The following DPH6 variants were observed in gnomAD, a reference collection of about 807,000 sequenced individuals.
DPH6 encodes diphthamine biosynthesis 6.
In DPH6, 33 loss-of-function variants were observed where a neutral mutation model predicts 38.2. That is an observed-to-expected ratio of 0.86 (90% confidence interval 0.65 to 1.15). The LOEUF is 1.15. Ranked by LOEUF, DPH6 falls within the 50% of genes most tolerant of loss-of-function variation. The pLI is 0.00. For missense variants in DPH6, 325 were observed against 320.0 expected, an observed-to-expected ratio of 1.02 and a Z score of -0.12; for synonymous variants, 108 against 103.0, an observed-to-expected ratio of 1.05 and a Z score of -0.30.
At chr15:35,388,887 T>C (rs1410644927) in intron 6 of DPH6, among the ~76,000 whole-genome samples, 2 of 152,232 alleles carry the variant, frequency 1.3e-5, no homozygotes, top group Non-Finnish European at 2.9e-5. Context: ...CTGCTAGCTT[T>C]TGAATGTGTT....
intron 3 of DPH6, among the ~76,000 whole-genome samples, chr15:35,312,507 AT>A (rs1855808336): frequency 2.0e-5 from 3 of 152,214 alleles, no homozygotes; most frequent in Admixed American, 1.3e-4. Flanking sequence ...GAGTCCCAGA[AT>A]TAAGATAATC....
At position 35,372,195 on chromosome 15, in the gene DPH6, T is replaced by C; in HGVS notation, c.759A>G (p.Ser253=). 3 of 1,494,334 alleles carry C rather than the reference T, an allele frequency of 2.0e-6. No individual in the cohort carries two copies. Among genetic ancestry groups the C allele is most frequent in the South Asian group, 1.4e-5 (1 of 71,438 alleles). The allele number at this position is 1,494,334 out of a possible 1,614,324, so 92.6% of individuals were successfully genotyped here. A position where few individuals can be genotyped will look rare whatever the true frequency, so the allele number is the denominator to read the frequency against. ...LELHLEDKVS[S]VPDNYRTSNY... is the part of the protein sequence containing the mutation. ...TAGATGTTCTGTAGTTGTCAGGCAC[T>C]GAGGACACCTAAAAAAAAAAGGGAA... The change falls in exon 9 of 9, where the codon TCA becomes TCG. Residue 253 remains serine (S), a synonymous_variant. Coordinates refer to ENST00000256538, the MANE Select transcript of DPH6 (RefSeq NM_080650.4).
intron 3 of DPH6, among the ~76,000 whole-genome samples, chr15:35,262,803 A>G (rs2051758101): frequency 2.0e-5 from 3 of 147,028 alleles, no homozygotes; most frequent in Admixed American, 2.0e-4. Context: ...ACATCTCTTT[A>G]TTTCTTGCCA....
intron 5 of DPH6, among the ~76,000 whole-genome samples, chr15:35,431,254 T>C (rs543450369): frequency 6.6e-6 from 1 of 152,280 alleles, no homozygotes; most frequent in South Asian, 2.1e-4. Context: ...TATCTAGCAG[T>C]AATAATGTGT....
chr15:35,148,712 C>T, the DPH6 span, among the ~76,000 whole-genome samples: 1 of 152,122 alleles, frequency 6.6e-6, no homozygotes, highest in Non-Finnish European at 1.5e-5. Flanking sequence ...CTTTTGATTC[C>T]TCATTCAGCC....
At chr15:35,212,196 C>T in the DPH6 span, among the ~76,000 whole-genome samples, 5 of 152,132 alleles carry the variant, frequency 3.3e-5, no homozygotes, top group Non-Finnish European at 7.4e-5. Flanking sequence ...GTTTTTGGCT[C>T]CAATTCAGTG....
intron 3 of DPH6, among the ~76,000 whole-genome samples, chr15:35,297,176 C>T (rs1388614923): frequency 6.6e-6 from 1 of 152,080 alleles, no homozygotes; most frequent in Non-Finnish European, 1.5e-5. Flanking sequence ...GAATTATACC[C>T]ATTAACATAA....
chr15:35,299,762 C>G (rs1373062697), intron 3 of DPH6, among the ~76,000 whole-genome samples: 1 of 152,236 alleles, frequency 6.6e-6, no homozygotes, highest in African/African-American at 2.4e-5. Context: ...TTCTCTATCA[C>G]TAAGTCTCGA....
chr15:35,360,484 G>A (rs1430381807), intron 3 of DPH6, among the ~76,000 whole-genome samples: 1 of 152,194 alleles, frequency 6.6e-6, no homozygotes, highest in Non-Finnish European at 1.5e-5. Flanking sequence ...ATGGGGGATA[G>A]AGTCAAGTCA....
At chr15:35,243,040 G>A (rs1247449570) in intron 3 of DPH6, among the ~76,000 whole-genome samples, 3 of 141,484 alleles carry the variant, frequency 2.1e-5, no homozygotes, top group Admixed American at 1.5e-4. Context: ...CTGAACCTCC[G>A]TAGGCACTCT....
intron 3 of DPH6, among the ~76,000 whole-genome samples, chr15:35,334,451 C>A (rs973077025): frequency 6.6e-6 from 1 of 151,888 alleles, no homozygotes; most frequent in Non-Finnish European, 1.5e-5. Flanking sequence ...AGGTTTGTAA[C>A]ATAGGTAAAT....
the DPH6 span, among the ~76,000 whole-genome samples, chr15:35,191,739 A>G: frequency 3.3e-5 from 5 of 152,202 alleles, no homozygotes; most frequent in East Asian, 9.6e-4. Flanking sequence ...CCTTCCTGAG[A>G]AAAACAACCC....
chr15:35,460,449 C>T (rs1364949505), intron 3 of DPH6, among the ~76,000 whole-genome samples: 1 of 152,152 alleles, frequency 6.6e-6, no homozygotes, highest in Admixed American at 6.5e-5. Flanking sequence ...TAGGCTGGCA[C>T]ATTGCTAAAC....
intron 5 of DPH6, among the ~76,000 whole-genome samples, chr15:35,415,186 A>G (rs1333559318): frequency 1.3e-5 from 2 of 151,980 alleles, no homozygotes; most frequent in East Asian, 3.9e-4. Flanking sequence ...ATATGTTAAA[A>G]TCCAAAGCAT....
exon 4 of DPH6, chr15:35,217,800 G>C (rs758442662): frequency 6.6e-6 from 1 of 152,112 alleles, no homozygotes; most frequent in Non-Finnish European, 1.5e-5. Flanking sequence ...TATTGCAAAG[G>C]GATATACAGT....
rs139835378 is a variant in DPH6 at position 35,430,707 on chromosome 15, A to C, written c.506-19811T>G. Among the ~76,000 whole-genome samples, 34 of 152,312 alleles carry C rather than the reference A, an allele frequency of 2.2e-4. 1 individual carries two copies. The East Asian group carries it at 6.4e-3, about 29-fold the overall frequency. On this transcript the variant is annotated intron_variant, in intron 5 of 8. Transcript: ENST00000256538. ...CATTTCTTTCCAGAAAAATTAGTGT[A>C]AGTCATCATCAATGTCAACTATAAA...
At chr15:35,504,917 A>T (rs1398685746) in intron 3 of DPH6, among the ~76,000 whole-genome samples, 1 of 152,122 alleles carries the variant, frequency 6.6e-6, no homozygotes, top group African/African-American at 2.4e-5. Flanking sequence ...GGTCCGAAAT[A>T]TTAGGCCTAC....
At chr15:35,236,010 G>A (rs2051548603) in intron 3 of DPH6, among the ~76,000 whole-genome samples, 1 of 152,120 alleles carries the variant, frequency 6.6e-6, no homozygotes, top group Non-Finnish European at 1.5e-5. Context: ...GTGATAAGAT[G>A]GAATTGAAGA....
At chr15:35,499,348 G>C (rs1205010155) in intron 3 of DPH6, among the ~76,000 whole-genome samples, 1 of 152,110 alleles carries the variant, frequency 6.6e-6, no homozygotes. Flanking sequence ...TTTTTCTGAT[G>C]ATTATGAGAG....
Sources: gnomAD v4.1 joint callset for allele counts (sites outside exome capture counted in the v4.1 genomes callset) on GRCh38, gnomAD v4.1.1 for gene constraint, MANE v1.5 for transcripts, NCBI Gene and HGNC (gene_info 2026-07-23, HGNC 2026-07-21) for gene names.